RASL12: variants seen among roughly 807,000 people sequenced by gnomAD.
The protein encoded by RASL12 is ras-like protein family member 12.
A neutral mutation model predicts 22.9 loss-of-function variants in RASL12; 16 were observed. The observed-to-expected ratio is 0.70, with a 90% confidence interval of 0.47 to 1.06. The LOEUF (loss-of-function observed/expected upper bound fraction) is 1.06, where lower values mean the gene tolerates loss of function less well. RASL12 is among the 50% of genes least tolerant of loss of function. The pLI is 0.00. For missense variants in RASL12, 306 were observed against 353.1 expected, an observed-to-expected ratio of 0.87 and a Z score of 1.07; for synonymous variants, 159 against 152.2, an observed-to-expected ratio of 1.04 and a Z score of -0.33.
intron 2 of RASL12, among the ~76,000 whole-genome samples, chr15:65,063,467 T>C (rs1382973257): frequency 6.6e-6 from 1 of 152,154 alleles, no homozygotes; most frequent in Non-Finnish European, 1.5e-5. Flanking sequence ...TCCTCCTCTC[T>C]CTGGAGCTGA....
At chr15:65,047,120 G>A in the RASL12 span, among the ~76,000 whole-genome samples, 2 of 151,962 alleles carry the variant, frequency 1.3e-5, no homozygotes, top group Non-Finnish European at 2.9e-5. Context: ...ACTTTGGGAG[G>A]CTGAGGTAGG....
chr15:65,061,666 C>T (rs899638731), intron 2 of RASL12, among the ~76,000 whole-genome samples: 6 of 152,098 alleles, frequency 3.9e-5, no homozygotes, highest in Admixed American at 6.5e-5. Flanking sequence ...TTGAATTTGC[C>T]GATGTTTTCC....
rs1175258772 is a variant in RASL12 at position 65,053,866 on chromosome 15, T to A, written c.*1033A>T. 3.0e-6 allele frequency: 3 copies of A among 985,804 alleles called. No individual in the cohort carries two copies. The highest frequency in any genetic ancestry group is 3.6e-6 in the Non-Finnish European group (3 of 829,974). 61.1% of individuals were successfully genotyped at this position (985,804 alleles called of 1,614,324 possible). ...CCATGTCTGAGCCATGGTGTCTTGG[T>A]ATAAGCTGCGGTGACACCACCAAAT... is the stretch of plus-strand genomic sequence containing the variant. On this transcript the variant is annotated 3_prime_UTR_variant, in exon 5 of 5. Transcript: ENST00000220062.
downstream of RASL12, chr15:65,049,075 T>A (rs944211525): frequency 1.3e-5 from 2 of 151,910 alleles, no homozygotes; most frequent in African/African-American, 4.8e-5. Context: ...ATATATGTTG[T>A]CAAAATTAAT....
downstream of RASL12, chr15:65,049,947 G>T: frequency 7.2e-7 from 1 of 1,392,924 alleles, no homozygotes; most frequent in South Asian, 1.3e-5. Flanking sequence ...AGGCCAGGAG[G>T]GCTGCTGGGG....
downstream of RASL12, among the ~76,000 whole-genome samples, chr15:65,050,833 C>T (rs1483802051): frequency 0.014 from 1,215 of 88,534 alleles, 53 homozygotes; most frequent in African/African-American, 0.051. Flanking sequence ...TCTTCTTCTT[C>T]TTCTTTTTTT....
At chr15:65,055,426 G>A in intron 4 of RASL12, 152 bp from the exon 5 acceptor site, 1 of 654,522 alleles carries the variant, frequency 1.5e-6, no homozygotes, top group Non-Finnish European at 2.6e-6. Context: ...AGTACAGTGG[G>A]TTACTGCCCT....
chr15:65,068,081 C>T (rs1771606903), upstream of RASL12: 17 of 1,065,410 alleles, frequency 1.6e-5, no homozygotes, highest in East Asian at 6.7e-5. This position sits in a 1 kb window ranked among gnomAD's most constrained non-coding sequence, Gnocchi z 4.2. Context: ...TGCGGAGCCC[C>T]CCGCGGGGCG....
upstream of RASL12, chr15:65,068,065 A>G: frequency 2.8e-6 from 3 of 1,082,488 alleles, no homozygotes; most frequent in Non-Finnish European, 3.4e-6. The surrounding 1 kb of genome is among the most constrained non-coding windows in gnomAD (Gnocchi z 4.2). Flanking sequence ...AATTCCTTGT[A>G]AGGGCTGCGG....
chr15:65,076,077 A>G (rs749128676), intron 1 of RASL12, among the ~76,000 whole-genome samples: 2 of 152,332 alleles, frequency 1.3e-5, no homozygotes, highest in Middle Eastern at 3.4e-3. Flanking sequence ...AAACCCACCA[A>G]TCAGCGCCCT....
chr15:65,056,684 T>C (rs1287430023), intron 4 of RASL12, among the ~76,000 whole-genome samples: 1 of 152,152 alleles, frequency 6.6e-6, no homozygotes, highest in East Asian at 1.9e-4. Flanking sequence ...TTGGGAAGCA[T>C]CAACCTAACC....
rs2086899795 is a variant in RASL12 at position 65,067,918 on chromosome 15, G to C, written c.-83C>G. The C allele has an allele frequency of 7.5e-7, 1 of 1,336,990 alleles. No homozygotes were observed. The highest frequency in any genetic ancestry group is 1.9e-5 in the South Asian group (1 of 53,610). The allele number at this position is 1,336,990 out of a possible 1,614,324, so 82.8% of individuals were successfully genotyped here. On this transcript the variant is annotated 5_prime_UTR_variant, in exon 1 of 5. It adds an upstream start codon to the 5' untranslated region. Coordinates refer to ENST00000220062, the MANE Select transcript of RASL12 (RefSeq NM_016563.4). ...CGCCCGTCGGGGCCCAGGGGAGCGG[G>C]ATGCAGGCTTCCCTGGAGCGCGCGG...
upstream of RASL12, among the ~76,000 whole-genome samples, chr15:65,072,667 C>G (rs751905072): frequency 6.6e-6 from 1 of 152,136 alleles, no homozygotes; most frequent in Non-Finnish European, 1.5e-5. Context: ...TTTAGCTGGT[C>G]ACCTAGAAAA....
At chr15:65,053,113 G>C (rs1308488490), downstream of RASL12, 1 of 1,614,188 alleles carries the variant, frequency 6.2e-7, no homozygotes, top group Non-Finnish European at 8.5e-7. Context: ...AGTTAAAAGA[G>C]AGAGATGTGC....
chr15:65,069,770 A>G (rs1423568374), upstream of RASL12, among the ~76,000 whole-genome samples: 1 of 152,238 alleles, frequency 6.6e-6, no homozygotes, highest in Non-Finnish European at 1.5e-5. Flanking sequence ...AGGAAGTGTT[A>G]GAGAAGAGAC....
intron 4 of RASL12, among the ~76,000 whole-genome samples, chr15:65,056,202 C>G (rs779913861): frequency 2.0e-5 from 3 of 152,134 alleles, no homozygotes; most frequent in Non-Finnish European, 2.9e-5. Flanking sequence ...TGAGCTGTCC[C>G]GCTGCCCATT....
upstream of RASL12, chr15:65,068,188 G>A (rs1188520987): frequency 3.0e-6 from 3 of 998,130 alleles, no homozygotes; most frequent in South Asian, 4.7e-5. This position sits in a 1 kb window ranked among gnomAD's most constrained non-coding sequence, Gnocchi z 4.2. Context: ...CCTCCCGAGC[G>A]CCCCCAAACC....
chr15:65,061,907 G>A (rs545382054), intron 2 of RASL12, among the ~76,000 whole-genome samples: 15 of 152,064 alleles, frequency 9.9e-5, no homozygotes, highest in Middle Eastern at 3.4e-3. Context: ...AAAATTAGCC[G>A]GGCATGGTGG....
In RASL12 at chr15:65,053,857, G is replaced by A; in HGVS notation, c.*1042C>T. 1 of 985,902 alleles carries A rather than the reference G, an allele frequency of 1.0e-6. No individual in the cohort carries two copies. Among genetic ancestry groups the A allele is most frequent in the Non-Finnish European group, 1.2e-6 (1 of 829,952 alleles). 61.1% of individuals were successfully genotyped at this position (985,902 alleles called of 1,614,324 possible). Reference sequence around the variant, plus strand: ...GTCCTGATCCCATGTCTGAGCCATGGTGTCTTGGTATAAGCTGCGGTGACA... The same window carrying A: ...GTCCTGATCCCATGTCTGAGCCATGATGTCTTGGTATAAGCTGCGGTGACA... On this transcript the variant is annotated 3_prime_UTR_variant, in exon 5 of 5. Transcript: ENST00000220062.
Sources: gnomAD v4.1 joint callset for allele counts (sites outside exome capture counted in the v4.1 genomes callset) on GRCh38, gnomAD v4.1.1 for gene constraint, Gnocchi (gnomAD v3.1) non-coding constraint, MANE v1.5 for transcripts, NCBI Gene and HGNC (gene_info 2026-07-23, HGNC 2026-07-21) for gene names.